Variants in ELF1 observed in about 807,000 individuals in gnomAD.
ELF1 encodes the protein ETS-related transcription factor Elf-1.
In ELF1, 24 loss-of-function variants were observed where a neutral mutation model predicts 59.9. The observed-to-expected ratio is 0.40, with a 90% CI of 0.29 to 0.56. The LOEUF is 0.56. Ranked by LOEUF, ELF1 falls within the 20% of genes least tolerant of loss-of-function variation. The probability of loss-of-function intolerance (pLI) is 0.44; values close to 1 mark genes in which losing one functional copy is unlikely to be tolerated. For missense variants in ELF1, 627 were observed against 742.2 expected (o/e 0.84, Z 1.80); for synonymous variants, 248 against 266.2 (o/e 0.93, Z 0.67).
At chr13:40,962,982 T>G (rs1184192993) in intron 2 of ELF1, among the ~76,000 whole-genome samples, 1 of 152,214 alleles carries the variant, frequency 6.6e-6, no homozygotes, top group Non-Finnish European at 1.5e-5. Context: ...GAGAGTAGCA[T>G]GCACTGTGGC....
At chr13:41,013,345 T>G (rs1030084803) in intron 1 of ELF1, among the ~76,000 whole-genome samples, 2 of 152,120 alleles carry the variant, frequency 1.3e-5, no homozygotes, top group Admixed American at 1.3e-4. Flanking sequence ...CTCAAAATAA[T>G]CTAATGCCAT....
At chr13:41,043,526 A>C (rs964495212) in intron 1 of ELF1, among the ~76,000 whole-genome samples, 1 of 152,192 alleles carries the variant, frequency 6.6e-6, no homozygotes, top group Non-Finnish European at 1.5e-5. Flanking sequence ...ACATATGTCT[A>C]GCCAGTTTTC....
chr13:41,054,961 C>G (rs1877232107), intron 1 of ELF1, among the ~76,000 whole-genome samples: 1 of 152,254 alleles, frequency 6.6e-6, no homozygotes, highest in East Asian at 1.9e-4. Flanking sequence ...GTAAAATAAA[C>G]TTTGCTTTGC....
chr13:41,004,147 G>T (rs1175225545), intron 1 of ELF1, among the ~76,000 whole-genome samples: 1 of 151,942 alleles, frequency 6.6e-6, no homozygotes, highest in Non-Finnish European at 1.5e-5. Context: ...TCCCAAAGTG[G>T]TTCAACATCT....
At chr13:41,001,515 G>T (rs1330057908) in intron 1 of ELF1, among the ~76,000 whole-genome samples, 1 of 152,034 alleles carries the variant, frequency 6.6e-6, no homozygotes, top group Non-Finnish European at 1.5e-5. Flanking sequence ...CACACTACAA[G>T]TCTTCAAAAT....
intron 1 of ELF1, among the ~76,000 whole-genome samples, chr13:41,041,279 A>G (rs1285820572): frequency 6.9e-6 from 1 of 145,100 alleles, no homozygotes; most frequent in Admixed American, 6.9e-5. Flanking sequence ...AAAAAAAAAA[A>G]CCTATTACAC....
chr13:41,057,198 G>A lies in ELF1; in HGVS notation c.-229+3640C>T, dbSNP rs534747060. On this transcript the variant is annotated intron_variant, in intron 1 of 1. Transcript: ENST00000405737. ...AGATAAGGTCTTAGGGTCTTGCTCT[G>A]TCACCTGGAGTGTAGCGGCAACATC... 2.8e-5 allele frequency among the ~76,000 whole-genome samples: 4 copies of A among 140,578 alleles called. No homozygotes were observed. The East Asian group carries it at 8.2e-4, about 29-fold the overall frequency. 92.2% of individuals were successfully genotyped at this position (140,578 alleles called of 152,430 possible).
Position 40,943,063 on chromosome 13 carries a change from T to TG in ELF1, c.694dup (p.Gln232ProfsTer8). ...CAATTTAAAAATGCCTTTCTCTCGC[T>TG]GGGTCCACTTGATGTATTTAGGACA... On this transcript the variant is annotated frameshift_variant, in exon 7 of 9. Transcript: ENST00000239882. LOFTEE classifies it high-confidence loss of function. 6.2e-7 allele frequency: 1 copy of TG among 1,613,326 alleles called. No individual in the cohort carries two copies. The highest frequency in any genetic ancestry group is 1.3e-5 in the African/African-American group (1 of 75,038).
At chr13:40,998,470 G>T (rs1874238169) in intron 1 of ELF1, among the ~76,000 whole-genome samples, 1 of 152,086 alleles carries the variant, frequency 6.6e-6, no homozygotes, top group Admixed American at 6.6e-5. Flanking sequence ...GTTTGTGTAG[G>T]TACATTCTGT....
At chr13:41,061,385 A>C (rs747956571) in exon 1 of ELF1, 3 of 543,402 alleles carry the variant, frequency 5.5e-6, no homozygotes, top group Non-Finnish European at 9.9e-6. Context: ...TCGCGCTTTT[A>C]CCCCTTCCCG....
intron 1 of ELF1, among the ~76,000 whole-genome samples, chr13:41,049,343 T>C (rs1286398598): frequency 6.6e-6 from 1 of 152,158 alleles, no homozygotes; most frequent in Non-Finnish European, 1.5e-5. Flanking sequence ...CCCTCCAACA[T>C]TCAAGCACCA....
At chr13:40,968,517 T>G (rs530707618) in intron 2 of ELF1, among the ~76,000 whole-genome samples, 4 of 152,314 alleles carry the variant, frequency 2.6e-5, no homozygotes, top group Admixed American at 1.3e-4. Context: ...AATTCCAAAG[T>G]GTATTTTAAA....
At position 40,978,086 on chromosome 13, in the gene ELF1, G is replaced by A. The variant is rs190603883; in HGVS notation, c.72+3897C>T. 4.4e-3 allele frequency among the ~76,000 whole-genome samples: 671 copies of A among 152,160 alleles called. 6 individuals carry two copies. Among genetic ancestry groups the A allele is most frequent in the Non-Finnish European group, 8.2e-3 (556 of 67,980 alleles). ...GGAGCCAAACATATGAAAGATACTAGAAGAAAATGTAGGCCGGGGGCGGTG... is the reference window on the plus strand; with the variant it reads ...GGAGCCAAACATATGAAAGATACTAAAAGAAAATGTAGGCCGGGGGCGGTG... On this transcript the variant is annotated intron_variant, in intron 2 of 8. Transcript: ENST00000239882.
chr13:41,023,152 C>T (rs942726039), upstream of ELF1, among the ~76,000 whole-genome samples: 2 of 152,012 alleles, frequency 1.3e-5, no homozygotes, highest in African/African-American at 2.4e-5. Context: ...AATTTAAATG[C>T]CAACTAAATT....
At chr13:40,995,617 A>G (rs944096574) in intron 1 of ELF1, among the ~76,000 whole-genome samples, 1 of 152,100 alleles carries the variant, frequency 6.6e-6, no homozygotes, top group Admixed American at 6.5e-5. Flanking sequence ...AATAAAGAAA[A>G]GAGTTTTTTC....
At chr13:41,027,391 C>T (rs1443741440) in intron 1 of ELF1, among the ~76,000 whole-genome samples, 1 of 152,200 alleles carries the variant, frequency 6.6e-6, no homozygotes, top group Non-Finnish European at 1.5e-5. Context: ...CCTGTCATTG[C>T]CCAGGGGGCT....
At position 40,940,995 on chromosome 13, in the gene ELF1, A is replaced by C; in HGVS notation, c.1182T>G (p.Ala394=). 6.2e-7 allele frequency: 1 copy of C among 1,614,248 alleles called. No individual in the cohort carries two copies. Among genetic ancestry groups the C allele is most frequent in the Non-Finnish European group, 8.5e-7 (1 of 1,180,048 alleles). The part of the protein sequence containing the change: ...RTVHVVQPVQ[A]VPEGEAARTS... ...TTCTAGCTGCTTCTCCCTCTGGGACAGCCTGTACTGGCTGTACTACATGAA... is the reference window on the plus strand; with the variant it reads ...TTCTAGCTGCTTCTCCCTCTGGGACCGCCTGTACTGGCTGTACTACATGAA... Residue 394 remains alanine (A), a synonymous_variant, in exon 8 of 9, where the codon GCT becomes GCG. Transcript: ENST00000239882.
intron 1 of ELF1, among the ~76,000 whole-genome samples, chr13:41,059,407 A>G (rs1370937622): frequency 6.6e-6 from 1 of 152,274 alleles, no homozygotes; most frequent in Admixed American, 6.5e-5. Context: ...TGAATTAATG[A>G]AGACGATTTA....
intron 2 of ELF1, 123 bp from the exon 3 acceptor site, chr13:40,959,139 T>G: frequency 7.7e-7 from 1 of 1,306,566 alleles, no homozygotes; most frequent in Middle Eastern, 2.0e-4. Context: ...TCAGGCTGTA[T>G]CTCTATAATC....
Sources: allele counts gnomAD v4.1 joint callset (sites outside exome capture counted in the v4.1 genomes callset), GRCh38; gene constraint gnomAD v4.1.1; transcripts MANE v1.5; gene names NCBI Gene and HGNC (gene_info 2026-07-23, HGNC 2026-07-21).